SHISA9: variants seen among roughly 807,000 people sequenced by gnomAD.
SHISA9 encodes the protein protein shisa-9.
In SHISA9, 13 loss-of-function variants were observed where a neutral mutation model predicts 38.0. That is an observed-to-expected ratio of 0.34 (90% CI 0.22 to 0.54). The LOEUF is 0.54. Among genes scored for constraint, SHISA9 ranks in the 20% least tolerant of loss-of-function variants. The probability of loss-of-function intolerance (pLI) is 0.91; values close to 1 mark genes in which losing one functional copy is unlikely to be tolerated. For synonymous variants in SHISA9, 275 were observed against 242.0 expected (o/e 1.14, Z -1.27); for missense variants, 538 against 575.8 (o/e 0.93, Z 0.67).
intron 2 of SHISA9, among the ~76,000 whole-genome samples, chr16:12,983,351 G>A (rs920008482): frequency 6.6e-6 from 1 of 152,204 alleles, no homozygotes; most frequent in Admixed American, 6.5e-5. Flanking sequence ...TCTGGAAAAC[G>A]GGAATGTTTG....
intron 2 of SHISA9, among the ~76,000 whole-genome samples, chr16:13,199,028 A>G (rs1265064357): frequency 6.6e-6 from 1 of 152,252 alleles, no homozygotes; most frequent in Non-Finnish European, 1.5e-5. Context: ...GTTTAATAAT[A>G]TAAAAGTGTG....
At chr16:13,045,952 A>G (rs138443019) in intron 2 of SHISA9, among the ~76,000 whole-genome samples, 138 of 152,302 alleles carry the variant, frequency 9.1e-4, no homozygotes, top group Non-Finnish European at 1.8e-3. Flanking sequence ...ATTATATGTC[A>G]ATGTTTGTTT....
At chr16:13,554,367 C>A in the SHISA9 span, among the ~76,000 whole-genome samples, 3 of 149,440 alleles carry the variant, frequency 2.0e-5, 1 homozygote, top group Non-Finnish European at 4.4e-5. Flanking sequence ...GATAAGGAAA[C>A]AGAGGACTTA....
At chr16:13,445,830 C>T in the SHISA9 span, among the ~76,000 whole-genome samples, 1 of 152,140 alleles carries the variant, frequency 6.6e-6, no homozygotes. Context: ...TGCTAAACCT[C>T]TCTGAGCCTC....
At chr16:13,471,966 A>G in the SHISA9 span, among the ~76,000 whole-genome samples, 1 of 152,232 alleles carries the variant, frequency 6.6e-6, no homozygotes, top group Admixed American at 6.5e-5. Flanking sequence ...GGAAAGGGTC[A>G]GTGAGTGACC....
At chr16:13,214,797 C>G (rs1462104538) in intron 4 of SHISA9, among the ~76,000 whole-genome samples, 1 of 152,162 alleles carries the variant, frequency 6.6e-6, no homozygotes, top group Non-Finnish European at 1.5e-5. Context: ...GTGAGACTCA[C>G]TCACTCTCAC....
the SHISA9 span, among the ~76,000 whole-genome samples, chr16:13,393,817 G>T: frequency 1.2e-4 from 18 of 152,328 alleles, no homozygotes; most frequent in South Asian, 3.7e-3. Context: ...TACTGGCATG[G>T]TGTTTTGCTA....
At chr16:13,524,829 A>T in the SHISA9 span, among the ~76,000 whole-genome samples, 5 of 152,050 alleles carry the variant, frequency 3.3e-5, no homozygotes, top group African/African-American at 1.2e-4. Flanking sequence ...GGCCTCCCAA[A>T]GTGGGCAGGA....
chr16:13,504,068 C>CA, the SHISA9 span, among the ~76,000 whole-genome samples: 2 of 152,138 alleles, frequency 1.3e-5, no homozygotes, highest in Admixed American at 1.3e-4. Context: ...CCTAGTGTGT[C>CA]AAAATGAGCA....
the SHISA9 span, among the ~76,000 whole-genome samples, chr16:13,501,730 C>T: frequency 2.6e-5 from 4 of 152,076 alleles, no homozygotes; most frequent in Non-Finnish European, 5.9e-5. Context: ...AGGGCGGGCA[C>T]GGTGGCTCAA....
At chr16:13,252,088 A>G in the SHISA9 span, among the ~76,000 whole-genome samples, 1 of 152,180 alleles carries the variant, frequency 6.6e-6, no homozygotes, top group South Asian at 2.1e-4. Flanking sequence ...CACTCCATGT[A>G]AAGTCAAAAT....
intron 2 of SHISA9, among the ~76,000 whole-genome samples, chr16:13,054,464 A>G (rs955286414): frequency 6.6e-6 from 1 of 152,214 alleles, no homozygotes; most frequent in Non-Finnish European, 1.5e-5. Flanking sequence ...ATTTCTAGGA[A>G]CCAAGAAGTC....
chr16:13,459,079 G>A, the SHISA9 span, among the ~76,000 whole-genome samples: 1 of 151,900 alleles, frequency 6.6e-6, no homozygotes, highest in African/African-American at 2.4e-5. Flanking sequence ...GTCTCGAACT[G>A]CTGACCTCAG....
intron 1 of SHISA9, chr16:12,908,740 T>C (rs1209064920): frequency 4.9e-6 from 7 of 1,432,512 alleles, no homozygotes; most frequent in Non-Finnish European, 6.4e-6. Context: ...AGTCTAGGAA[T>C]GCTTTCTATA....
the SHISA9 span, among the ~76,000 whole-genome samples, chr16:13,460,829 G>A: frequency 1.3e-5 from 2 of 152,096 alleles, no homozygotes; most frequent in African/African-American, 4.8e-5. Context: ...AGAATACTAC[G>A]GTTAGGTCTT....
chr16:13,200,438 ACACAGCAGCAGCAG>A (rs975561001), intron 2 of SHISA9, among the ~76,000 whole-genome samples: 2 of 132,812 alleles, frequency 1.5e-5, no homozygotes, highest in African/African-American at 6.7e-5. Context: ...ACACACACAC[ACACAGCAGCAGCAG>A]CAGCAGCAGC....
At chr16:13,027,047 C>G (rs557660397) in intron 2 of SHISA9, among the ~76,000 whole-genome samples, 6 of 152,324 alleles carry the variant, frequency 3.9e-5, no homozygotes, top group Non-Finnish European at 7.3e-5. Context: ...CTCCCTCCCC[C>G]ACTGCTGTAT....
the SHISA9 span, among the ~76,000 whole-genome samples, chr16:13,257,867 A>AT: frequency 1.3e-5 from 2 of 151,796 alleles, no homozygotes; most frequent in East Asian, 1.9e-4. Flanking sequence ...TAAATACTTT[A>AT]TTTTTTTTGG....
chr16:13,509,144 G>T, the SHISA9 span, among the ~76,000 whole-genome samples: 1 of 152,104 alleles, frequency 6.6e-6, no homozygotes, highest in Non-Finnish European at 1.5e-5. Flanking sequence ...GGAAATATTT[G>T]CATAATCTGT....
Sources: gnomAD v4.1 joint callset for allele counts (sites outside exome capture counted in the v4.1 genomes callset) on GRCh38, gnomAD v4.1.1 for gene constraint, MANE v1.5 for transcripts, NCBI Gene and HGNC (gene_info 2026-07-23, HGNC 2026-07-21) for gene names.